MDGA2: variants seen among roughly 807,000 people sequenced by gnomAD.
MDGA2 encodes the protein MAM domain-containing glycosylphosphatidylinositol anchor protein 2.
A neutral mutation model predicts 117.8 loss-of-function variants in MDGA2; 40 were observed. The observed-to-expected ratio is 0.34, with a 90% CI of 0.26 to 0.44. MDGA2 has a LOEUF of 0.44. Ranked by LOEUF, MDGA2 falls within the 20% of genes least tolerant of loss-of-function variation. The pLI is 1.00. For synonymous variants in MDGA2, 452 were observed against 439.0 expected (o/e 1.03, Z -0.37); for missense variants, 1,123 against 1,250.6 (o/e 0.90, Z 1.54).
rs1371815368 is a variant in MDGA2 at position 46,993,059 on chromosome 14, G to A, written c.1820-35416C>T. ...GCTCTTTAGTTATTCATTGTAAATAGTTATCCTTAAAAAAAAAAATTCTTC... is the reference window on the plus strand; with the variant it reads ...GCTCTTTAGTTATTCATTGTAAATAATTATCCTTAAAAAAAAAAATTCTTC... On this transcript the variant is annotated intron_variant, in intron 8 of 16. Transcript: ENST00000399232. Among the ~76,000 whole-genome samples the A allele has an allele frequency of 2.0e-5, 3 of 150,952 alleles. No homozygotes were observed. The South Asian group carries it at 6.2e-4, about 31-fold the overall frequency.
intron 1 of MDGA2, among the ~76,000 whole-genome samples, chr14:47,646,003 T>C (rs2138257556): frequency 6.8e-6 from 1 of 146,700 alleles, no homozygotes; most frequent in South Asian, 2.1e-4. Flanking sequence ...TGGCATGAAC[T>C]CGGGAGGCGG....
intron 1 of MDGA2, among the ~76,000 whole-genome samples, chr14:47,342,142 C>T (rs946571870): frequency 1.3e-5 from 2 of 151,942 alleles, no homozygotes; most frequent in African/African-American, 2.4e-5. Flanking sequence ...TGAGCCACTG[C>T]GCCTGGCCTG....
At chr14:46,926,496 A>T (rs532219935) in intron 9 of MDGA2, among the ~76,000 whole-genome samples, 1 of 152,136 alleles carries the variant, frequency 6.6e-6, no homozygotes, top group Non-Finnish European at 1.5e-5. Flanking sequence ...ACGATTTGAG[A>T]ATCAAAGTCA....
intron 2 of MDGA2, among the ~76,000 whole-genome samples, chr14:47,273,801 T>C (rs1449870288): frequency 6.6e-6 from 1 of 152,138 alleles, no homozygotes; most frequent in Non-Finnish European, 1.5e-5. Context: ...ATGCTCCCTA[T>C]GCATGAAGAC....
chr14:47,309,087 G>T (rs1425918677), intron 1 of MDGA2, among the ~76,000 whole-genome samples: 1 of 151,998 alleles, frequency 6.6e-6, no homozygotes, highest in African/African-American at 2.4e-5. Flanking sequence ...TAAGCTAAAT[G>T]TTCAACTTGT....
intron 7 of MDGA2, among the ~76,000 whole-genome samples, chr14:47,059,755 C>CA (rs1386086859): frequency 1.9e-4 from 29 of 151,650 alleles, no homozygotes; most frequent in East Asian, 1.2e-3. Flanking sequence ...AGGAAACAAA[C>CA]AAAAAAAACC....
intron 1 of MDGA2, among the ~76,000 whole-genome samples, chr14:47,504,411 C>A (rs2138678695): frequency 6.6e-6 from 1 of 151,820 alleles, no homozygotes; most frequent in Middle Eastern, 3.4e-3. Context: ...TATTTTTTTT[C>A]AATGCTCTTC....
At chr14:46,856,442 C>G (rs531337722) in intron 14 of MDGA2, among the ~76,000 whole-genome samples, 61 of 152,166 alleles carry the variant, frequency 4.0e-4, no homozygotes, top group Non-Finnish European at 7.5e-4. Context: ...TTCTCACTTT[C>G]CTCTGTAGTT....
chr14:47,460,952 C>G (rs914590138), intron 1 of MDGA2, among the ~76,000 whole-genome samples: 5 of 152,064 alleles, frequency 3.3e-5, no homozygotes, highest in South Asian at 4.1e-4. Flanking sequence ...GTATAGATTG[C>G]TATTTATTTC....
chr14:46,853,364 A>G (rs969513345), intron 15 of MDGA2, among the ~76,000 whole-genome samples: 97 of 152,018 alleles, frequency 6.4e-4, no homozygotes, highest in African/African-American at 2.1e-3. Flanking sequence ...AGAAGAGGAG[A>G]AAAACCTCAA....
chr14:46,844,921 G>A (rs1240214889), intron 16 of MDGA2, among the ~76,000 whole-genome samples: 1 of 151,910 alleles, frequency 6.6e-6, no homozygotes, highest in African/African-American at 2.4e-5. Context: ...TTGCTCTGTC[G>A]CCCAGGCTGG....
At position 47,484,047 on chromosome 14, in the gene MDGA2, A is replaced by G. The variant is rs1894007741; in HGVS notation, c.281-182497T>C. On this transcript the variant is annotated intron_variant, in intron 1 of 16. Coordinates refer to ENST00000399232, the MANE Select transcript of MDGA2 (RefSeq NM_001113498.3). ...AAGTTTTGTCTAATTAATTTAGTAA[A>G]ACATATTCAAGGGTAAATAAGTTGG... is the stretch of plus-strand genomic sequence containing the variant. Among the ~76,000 whole-genome samples the G allele has an allele frequency of 1.3e-5, 2 of 152,168 alleles. 1 individual carries two copies. Among genetic ancestry groups the G allele is most frequent in the African/African-American group, 4.8e-5 (2 of 41,442 alleles).
intron 1 of MDGA2, among the ~76,000 whole-genome samples, chr14:47,549,042 C>A (rs537776808): frequency 2.6e-5 from 4 of 152,188 alleles, no homozygotes; most frequent in African/African-American, 9.6e-5. Context: ...TTTCAGGGAT[C>A]TGCCAGACAG....
At chr14:47,389,620 A>ACACC (rs1891846817) in intron 1 of MDGA2, among the ~76,000 whole-genome samples, 2 of 75,918 alleles carry the variant, frequency 2.6e-5, no homozygotes, top group East Asian at 1.1e-3. Context: ...ACACACACAC[A>ACACC]CACACACACA....
chr14:47,312,185 A>G (rs1159739761), intron 1 of MDGA2, among the ~76,000 whole-genome samples: 3 of 152,106 alleles, frequency 2.0e-5, no homozygotes, highest in Non-Finnish European at 2.9e-5. Context: ...AAACAATTCA[A>G]TTTTCATTTA....
At chr14:47,456,594 T>C (rs867123609) in intron 1 of MDGA2, among the ~76,000 whole-genome samples, 6 of 152,138 alleles carry the variant, frequency 3.9e-5, no homozygotes, top group African/African-American at 1.4e-4. Flanking sequence ...TAAGCCACCA[T>C]GCCCGGCCAA....
At chr14:47,480,841 G>T (rs1051746529) in intron 1 of MDGA2, among the ~76,000 whole-genome samples, 3 of 151,838 alleles carry the variant, frequency 2.0e-5, no homozygotes, top group African/African-American at 4.8e-5. Flanking sequence ...ACGTGCTATT[G>T]TAAAAATTCT....
intron 10 of MDGA2, among the ~76,000 whole-genome samples, chr14:46,900,040 AT>A (rs373721270): frequency 0.03 from 4,500 of 152,246 alleles, 84 homozygotes; most frequent in Non-Finnish European, 0.041. Context: ...ATTACCTCAT[AT>A]TTTTTAAAAG....
intron 1 of MDGA2, among the ~76,000 whole-genome samples, chr14:47,547,477 T>C (rs1247954905): frequency 6.6e-6 from 1 of 152,196 alleles, no homozygotes; most frequent in Non-Finnish European, 1.5e-5. Flanking sequence ...TTTTATGTGT[T>C]TCCATCCAGG....
Sources: gnomAD v4.1 joint callset for allele counts (sites outside exome capture counted in the v4.1 genomes callset) on GRCh38, gnomAD v4.1.1 for gene constraint, MANE v1.5 for transcripts, NCBI Gene and HGNC (gene_info 2026-07-23, HGNC 2026-07-21) for gene names.